The following NEDD4 variants were observed in gnomAD, a reference collection of about 807,000 sequenced individuals.
NEDD4 encodes the protein E3 ubiquitin-protein ligase NEDD4.
Under a neutral mutation model 144.9 loss-of-function variants are expected in NEDD4, and 99 were observed. The ratio of observed to expected loss-of-function variants is 0.68; its 90% confidence interval spans 0.58 to 0.81. NEDD4 has a LOEUF of 0.81. Among genes scored for constraint, NEDD4 ranks in the 30% least tolerant of loss-of-function variants. The pLI is 0.00. For synonymous variants in NEDD4, 318 were observed against 350.6 expected (o/e 0.91, Z 1.04); for missense variants, 985 against 1,065.9 (o/e 0.92, Z 1.06).
intron 11 of NEDD4, among the ~76,000 whole-genome samples, chr15:55,857,328 ATTAT>A (rs1429541338): frequency 6.6e-6 from 1 of 152,044 alleles, no homozygotes; most frequent in Non-Finnish European, 1.5e-5. Flanking sequence ...ATTTTTATTT[ATTAT>A]TTATTTATTT....
intron 2 of NEDD4, among the ~76,000 whole-genome samples, chr15:55,955,813 C>CT (rs2037326949): frequency 3.9e-5 from 5 of 129,716 alleles, no homozygotes; most frequent in South Asian, 5.1e-4. Flanking sequence ...ATCTATACTA[C>CT]ATTTTTTTTT....
intron 5 of NEDD4, among the ~76,000 whole-genome samples, chr15:55,919,959 G>C (rs1356525297): frequency 3.9e-5 from 6 of 152,138 alleles, no homozygotes; most frequent in Non-Finnish European, 5.9e-5. Flanking sequence ...AAGACATTTA[G>C]ACATGATTAG....
rs2034580833 is a variant in NEDD4, at chr15:55,866,206, G to A, written c.508-3127C>T. ...TGGGATTACCAGCGTGAGCCACTGT[G>A]CCCAACCTTTCTTCTTTTTTTTTTT... On this transcript the variant is annotated intron_variant, in intron 8 of 28. Coordinates refer to ENST00000435532, the MANE Select transcript of NEDD4 (RefSeq NM_006154.4). 1.3e-5 allele frequency among the ~76,000 whole-genome samples: 2 copies of A among 151,486 alleles called. 1 individual carries two copies.
chr15:55,917,464 ATT>A (rs11341291), intron 5 of NEDD4, among the ~76,000 whole-genome samples: 75 of 148,992 alleles, frequency 5.0e-4, no homozygotes, highest in Admixed American at 1.3e-3. Flanking sequence ...GGGACTGTTA[ATT>A]TTTTTTTTTT....
chr15:55,979,068 AAT>A (rs149994169), intron 1 of NEDD4, among the ~76,000 whole-genome samples: 13 of 151,092 alleles, frequency 8.6e-5, no homozygotes, highest in African/African-American at 3.2e-4. Context: ...TATTTTTAAA[AAT>A]ATATATATAT....
At chr15:55,916,003 G>A (rs749926103) in intron 5 of NEDD4, 68 of 1,613,586 alleles carry the variant, frequency 4.2e-5, no homozygotes, top group Admixed American at 4.0e-4. Context: ...GAAGTCGGTC[G>A]GGTAGTTGAA....
intron 5 of NEDD4, among the ~76,000 whole-genome samples, chr15:55,896,909 G>T (rs1294502748): frequency 1.3e-5 from 2 of 151,382 alleles, no homozygotes; most frequent in Non-Finnish European, 2.9e-5. Flanking sequence ...TATTAAACAT[G>T]ATAATTTATA....
intron 4 of NEDD4, among the ~76,000 whole-genome samples, chr15:55,926,503 T>G (rs1247871114): frequency 1.3e-5 from 2 of 152,140 alleles, no homozygotes; most frequent in African/African-American, 4.8e-5. Context: ...GATGTGCTGG[T>G]TCACACCTGT....
chr15:55,838,728 T>A, intron 21 of NEDD4, 124 bp from the exon 22 acceptor site: 1 of 621,866 alleles, frequency 1.6e-6, no homozygotes, highest in Non-Finnish European at 2.8e-6. Context: ...CATCCTTTAC[T>A]TACACACATA....
chr15:55,919,484 T>C (rs1385212788), intron 5 of NEDD4, among the ~76,000 whole-genome samples: 1 of 152,174 alleles, frequency 6.6e-6, no homozygotes, highest in African/African-American at 2.4e-5. Context: ...GGCTGAACAA[T>C]TTGCATTGCT....
chr15:55,885,185 A>G (rs1035731352), intron 5 of NEDD4, among the ~76,000 whole-genome samples: 2 of 152,222 alleles, frequency 1.3e-5, no homozygotes, highest in Non-Finnish European at 2.9e-5. Flanking sequence ...TTACCCTACA[A>G]TAGTATATCT....
chr15:55,915,579 CT>C (rs1360542095), intron 5 of NEDD4: 1 of 1,613,840 alleles, frequency 6.2e-7, no homozygotes, highest in Non-Finnish European at 8.5e-7. Flanking sequence ...TGCAGATGTC[CT>C]ATGCATGAGC....
intron 14 of NEDD4, 35 bp from the exon 15 acceptor site, chr15:55,848,921 C>T (rs555690047): frequency 6.6e-7 from 1 of 1,511,496 alleles, no homozygotes; most frequent in African/African-American, 1.4e-5. Context: ...ACAATACACA[C>T]AAATTTTAAA....
intron 5 of NEDD4, chr15:55,916,809 T>C: frequency 1.2e-6 from 2 of 1,606,868 alleles, no homozygotes; most frequent in Non-Finnish European, 1.7e-6. Flanking sequence ...GGCTGCAAAG[T>C]GCAATCGTAA....
At chr15:55,885,879 C>T (rs1437977250) in intron 5 of NEDD4, among the ~76,000 whole-genome samples, 6 of 151,402 alleles carry the variant, frequency 4.0e-5, no homozygotes, top group Non-Finnish European at 5.9e-5. Context: ...ACAGACTAAA[C>T]GCTCCAATCA....
chr15:55,846,250 C>A (rs1351366166), intron 18 of NEDD4, among the ~76,000 whole-genome samples: 4 of 152,172 alleles, frequency 2.6e-5, no homozygotes, highest in Admixed American at 2.6e-4. Context: ...TTTGTGAAAG[C>A]CAGCTTCTGG....
chr15:55,836,825 A>C (rs1319253548), intron 24 of NEDD4, among the ~76,000 whole-genome samples: 2 of 151,398 alleles, frequency 1.3e-5, no homozygotes, highest in African/African-American at 2.4e-5. Context: ...ACCGCGCCCA[A>C]ATTTTTAATT....
intron 5 of NEDD4, chr15:55,915,545 T>C (rs2036409064): frequency 1.2e-6 from 2 of 1,613,886 alleles, no homozygotes; most frequent in Admixed American, 1.7e-5. Flanking sequence ...TTTGACAATC[T>C]ACATTTTGGG....
chr15:55,955,959 G>C (rs71476756), intron 2 of NEDD4, among the ~76,000 whole-genome samples: 6 of 151,670 alleles, frequency 4.0e-5, no homozygotes, highest in African/African-American at 1.5e-4. Flanking sequence ...GGGACCACAG[G>C]TGTGCATCAC....
Sources: gnomAD v4.1 joint callset for allele counts (sites outside exome capture counted in the v4.1 genomes callset) on GRCh38, gnomAD v4.1.1 for gene constraint, MANE v1.5 for transcripts, NCBI Gene and HGNC (gene_info 2026-07-23, HGNC 2026-07-21) for gene names.